MOV10: variants seen among roughly 807,000 people sequenced by gnomAD.
MOV10 encodes Mov10 RNA helicase, also known as RNA helicase MOV-10.
In MOV10, 39 loss-of-function variants were observed where a neutral mutation model predicts 108.4. That is an observed-to-expected ratio of 0.36 (90% CI 0.28 to 0.47). The LOEUF (loss-of-function observed/expected upper bound fraction) is 0.47, where lower values mean the gene tolerates loss of function less well. Ranked by LOEUF, MOV10 falls within the 20% of genes least tolerant of loss-of-function variation. The pLI, the probability that MOV10 is intolerant of heterozygous loss-of-function variation, is 1.00. For missense variants in MOV10, 952 were observed against 1,297.6 expected (o/e 0.73, Z 4.09); for synonymous variants, 490 against 523.1 (o/e 0.94, Z 0.86).
At chr1:112,679,475 A>G (rs1221255954) in intron 2 of MOV10, among the ~76,000 whole-genome samples, 3 of 152,108 alleles carry the variant, frequency 2.0e-5, no homozygotes, top group Non-Finnish European at 2.9e-5. Flanking sequence ...CGTTGTTACT[A>G]TGGAGGATCT....
intron 12 of MOV10, 74 bp from the exon 13 acceptor site, chr1:112,696,363 C>T: frequency 1.4e-6 from 2 of 1,448,618 alleles, no homozygotes; most frequent in Non-Finnish European, 1.9e-6. Context: ...TGCTGAGAAG[C>T]CAGCCTGGGA....
intron 2 of MOV10, 85 bp from the exon 3 acceptor site, chr1:112,688,850 C>A (rs968083536): frequency 1.9e-6 from 3 of 1,591,148 alleles, no homozygotes; most frequent in Middle Eastern, 4.6e-4. Flanking sequence ...CACAGAGTGA[C>A]CCTCCGATGC....
chr1:112,682,888 T>TG (rs1265955841), intron 2 of MOV10, among the ~76,000 whole-genome samples: 7 of 151,644 alleles, frequency 4.6e-5, no homozygotes, highest in Non-Finnish European at 8.8e-5. Flanking sequence ...GTTTTTAGTT[T>TG]GGGGCTCTTC....
chr1:112,693,904 T>C, intron 7 of MOV10, 114 bp from the exon 8 acceptor site: 1 of 841,284 alleles, frequency 1.2e-6, no homozygotes, highest in Non-Finnish European at 1.9e-6. Context: ...CCCTGAGTCT[T>C]AGGTTAGAAG....
Position 112,696,258 on chromosome 1 carries a change from A to T in MOV10, c.1883+7A>T. On this transcript the variant is annotated splice_region_variant and intron_variant, in intron 12 of 20. Coordinates refer to ENST00000369645, the MANE Select transcript of MOV10 (RefSeq NM_001321324.2). ...CCCTCATCACTGCCGGCAGGTGGGG[A>T]GTGTGTGTGGGTGTGTCTCTGAATC... is the stretch of plus-strand genomic sequence containing the variant. 6.3e-7 allele frequency: 1 copy of T among 1,589,898 alleles called. No individual in the cohort carries two copies.
In MOV10 at chr1:112,690,663, ATC is replaced by A. The variant is rs536845669; in HGVS notation, c.836+569_836+570del. Among the ~76,000 whole-genome samples, 98 of 152,186 alleles carry A rather than the reference ATC, an allele frequency of 6.4e-4. 2 individuals are homozygous for A. Among genetic ancestry groups the A allele is most frequent in the Admixed American group, 3.3e-3 (51 of 15,276 alleles). ...GGGCGAGCCACCGTGCCCAGCCAAC[ATC>A]TCTGTTTTTTTAAACAGCTGTATTG... On this transcript the variant is annotated intron_variant, in intron 5 of 20. Coordinates refer to ENST00000369645, the MANE Select transcript of MOV10 (RefSeq NM_001321324.2).
intron 2 of MOV10, chr1:112,688,706 T>A: frequency 7.0e-7 from 1 of 1,424,510 alleles, no homozygotes; most frequent in Non-Finnish European, 9.1e-7. Context: ...GAACCCACTG[T>A]TTAAAACAAC....
chr1:112,695,414 AGGT>A lies in MOV10; in HGVS notation c.1624_1626del (p.Val542del). Reference sequence around the variant, plus strand: ...CCCACACTGCGCTTATCTGCATCTCAGGTGGTGAAGCACTTGCCCAAAGCCCAC... The same window carrying A: ...CCCACACTGCGCTTATCTGCATCTCAGGTGAAGCACTTGCCCAAAGCCCAC... On this transcript the variant is annotated splice_acceptor_variant and coding_sequence_variant, in exon 11 of 21. Transcript: ENST00000369645. LOFTEE classifies it high-confidence loss of function. 6.2e-7 allele frequency: 1 copy of A among 1,613,790 alleles called. No homozygotes were observed. The highest frequency in any genetic ancestry group is 1.1e-5 in the South Asian group (1 of 91,044).
chr1:112,697,634 A>C (rs926614820), intron 14 of MOV10, among the ~76,000 whole-genome samples: 1 of 152,188 alleles, frequency 6.6e-6, no homozygotes, highest in African/African-American at 2.4e-5. Flanking sequence ...TTGTGTCATC[A>C]CTGCTTATAT....
intron 6 of MOV10, 104 bp from the exon 7 acceptor site, chr1:112,692,649 TGACGCTAG>T: frequency 7.1e-7 from 1 of 1,400,614 alleles, no homozygotes; most frequent in Admixed American, 2.3e-5. Context: ...CTCTGCTTTT[TGACGCTAG>T]TTCCAGAGCT....
intron 14 of MOV10, among the ~76,000 whole-genome samples, chr1:112,697,074 A>AG (rs1457528342): frequency 6.6e-6 from 1 of 152,150 alleles, no homozygotes; most frequent in Non-Finnish European, 1.5e-5. Context: ...TCTGCATCTT[A>AG]GGGGGTGGTC....
chr1:112,698,674 G>C (rs769168745), intron 16 of MOV10, 41 bp from the exon 17 acceptor site: 1 of 1,592,590 alleles, frequency 6.3e-7, no homozygotes, highest in East Asian at 2.2e-5. Context: ...CTTGCATTAG[G>C]TTAATGGCAC....
In MOV10 at chr1:112,675,076, G is replaced by A. The variant is rs1672073535; in HGVS notation, c.137+27G>A. 6.4e-7 allele frequency: 1 copy of A among 1,573,800 alleles called. No individual in the cohort carries two copies. Reference sequence around the variant, plus strand: ...TACGGGCCGGCCCACTCCCGGCCCCGAATCGCGGGCCCAGCTTGCTGCCAC... The same window carrying A: ...TACGGGCCGGCCCACTCCCGGCCCCAAATCGCGGGCCCAGCTTGCTGCCAC... On this transcript the variant is annotated intron_variant, in intron 2 of 20. Coordinates refer to ENST00000369645, the MANE Select transcript of MOV10 (RefSeq NM_001321324.2). The surrounding 1 kb of genome is among the most constrained non-coding windows in gnomAD (Gnocchi z 4.7).
In MOV10 at chr1:112,700,534, C is replaced by A; in HGVS notation, c.*27C>A. On this transcript the variant is annotated 3_prime_UTR_variant, in exon 21 of 21. Transcript: ENST00000369645. ...GACACAGCACCCAGCCTTCTCGCAC[C>A]AGCCAAGCCTTAACTGCCTGCCTGA... 1 of 1,609,856 alleles carries A rather than the reference C, an allele frequency of 6.2e-7. No individual in the cohort carries two copies. Among genetic ancestry groups the A allele is most frequent in the South Asian group, 1.1e-5 (1 of 90,574 alleles).
rs145787410 is a variant in MOV10 at position 112,683,511 on chromosome 1, A to G, written c.138-5424A>G. The stretch of plus-strand genomic sequence containing the variant: ...GCCTCAAGGGCCCAGCTAATTTCTT[A>G]ATTTTTTTGTAGAAACAGGGTCTTG... On this transcript the variant is annotated intron_variant, in intron 2 of 20. Coordinates refer to ENST00000369645, the MANE Select transcript of MOV10 (RefSeq NM_001321324.2). 2.6e-4 allele frequency among the ~76,000 whole-genome samples: 40 copies of G among 152,026 alleles called. 1 individual carries two copies. The East Asian group carries it at 4.3e-3, about 16-fold the overall frequency.
At chr1:112,697,943 G>A (rs1557771489) in intron 14 of MOV10, 51 bp from the exon 15 acceptor site, 2 of 1,502,986 alleles carry the variant, frequency 1.3e-6, no homozygotes. Flanking sequence ...GCCCCTGTAG[G>A]GCAGAGGGAA....
Position 112,691,704 on chromosome 1 carries a change from G to A in MOV10, c.876G>A (p.Gly292=). ...ACCTGGAGTTAAGTATGGCGCTGGGGACATACTACCCACCTCCCCGCCTCA... is the reference window on the plus strand; with the variant it reads ...ACCTGGAGTTAAGTATGGCGCTGGGAACATACTACCCACCTCCCCGCCTCA... The part of the protein sequence containing the change: ...GYDLELSMAL[G]TYYPPPRLRQ... The change falls in exon 6 of 21, where the codon GGG becomes GGA. Residue 292 remains glycine (G), a synonymous_variant. Coordinates refer to ENST00000369645, the MANE Select transcript of MOV10 (RefSeq NM_001321324.2). 5 of 1,614,090 alleles carry A rather than the reference G, an allele frequency of 3.1e-6. No individual in the cohort carries two copies. The highest frequency in any genetic ancestry group is 4.2e-6 in the Non-Finnish European group (5 of 1,180,020).
intron 5 of MOV10, among the ~76,000 whole-genome samples, 186 bp downstream of exon 5, chr1:112,690,284 G>A (rs1673465191): frequency 1.3e-5 from 2 of 152,258 alleles, no homozygotes; most frequent in Non-Finnish European, 2.9e-5. Context: ...TGAGGACAGA[G>A]TGAAAACAGT....
chr1:112,691,871 C>T lies in MOV10; in HGVS notation c.971+72C>T, dbSNP rs556132961. 113 of 1,521,130 alleles carry T rather than the reference C, an allele frequency of 7.4e-5. No individual in the cohort carries two copies. The East Asian group carries it at 2.3e-3, about 31-fold the overall frequency. The allele number at this position is 1,521,130 out of a possible 1,614,324, so 94.2% of individuals were successfully genotyped here. ...CTGGCTTCTTTGCATTGCCCTGGCACCTCCGTCCTCAGCCTCCCAGGCTGT... is the reference window on the plus strand; with the variant it reads ...CTGGCTTCTTTGCATTGCCCTGGCATCTCCGTCCTCAGCCTCCCAGGCTGT... On this transcript the variant is annotated intron_variant, in intron 6 of 20. Coordinates refer to ENST00000369645, the MANE Select transcript of MOV10 (RefSeq NM_001321324.2).
Sources: gnomAD v4.1 joint callset for allele counts (sites outside exome capture counted in the v4.1 genomes callset) on GRCh38, gnomAD v4.1.1 for gene constraint, Gnocchi (gnomAD v3.1) non-coding constraint, MANE v1.5 for transcripts, NCBI Gene and HGNC (gene_info 2026-07-23, HGNC 2026-07-21) for gene names.